The following TTLL5 variants were observed in gnomAD, a reference collection of about 807,000 sequenced individuals.
TTLL5 encodes tubulin tyrosine ligase like 5.
TTLL5 carries 132 observed loss-of-function variants against 168.4 expected under a neutral mutation model. The observed-to-expected ratio is 0.78, with a 90% CI of 0.68 to 0.91. The LOEUF (loss-of-function observed/expected upper bound fraction) is 0.91, where lower values mean the gene tolerates loss of function less well. Ranked by LOEUF, TTLL5 falls within the 40% of genes least tolerant of loss-of-function variation. The probability of loss-of-function intolerance (pLI) is 0.00; values close to 1 mark genes in which losing one functional copy is unlikely to be tolerated. For missense variants in TTLL5, 1,545 were observed against 1,581.5 expected (o/e 0.98, Z 0.39); for synonymous variants, 546 against 558.6 (o/e 0.98, Z 0.32).
rs559749597 is a variant in TTLL5 at position 75,933,424 on chromosome 14, TG to T, written c.3824-20999del. 4.3e-3 allele frequency among the ~76,000 whole-genome samples: 651 copies of T among 152,332 alleles called. 1 individual carries two copies. The highest frequency in any genetic ancestry group is 7.8e-3 in the Non-Finnish European group (528 of 68,022). On this transcript the variant is annotated intron_variant, in intron 31 of 31. Coordinates refer to ENST00000298832, the MANE Select transcript of TTLL5 (RefSeq NM_015072.5). The stretch of plus-strand genomic sequence containing the variant: ...GCCGCAGTCAGCCGGATCATGCTAC[TG>T]CAGTCCATCCTGGCCGACAGATTGA...
At chr14:75,895,076 C>A (rs1480876158) in intron 30 of TTLL5, among the ~76,000 whole-genome samples, 3 of 152,140 alleles carry the variant, frequency 2.0e-5, no homozygotes, top group Non-Finnish European at 4.4e-5. Flanking sequence ...GGGTTTTCAT[C>A]TTTTTGGACC....
At chr14:75,747,771 A>T (rs1889702297) in intron 17 of TTLL5, among the ~76,000 whole-genome samples, 1 of 152,196 alleles carries the variant, frequency 6.6e-6, no homozygotes, top group South Asian at 2.1e-4. Context: ...TCTGGGAATT[A>T]TTCAGCTTAC....
chr14:75,793,418 A>G (rs1302520431), intron 27 of TTLL5, among the ~76,000 whole-genome samples: 1 of 152,084 alleles, frequency 6.6e-6, no homozygotes, highest in Admixed American at 6.5e-5. Context: ...CTTTGGTAAA[A>G]TTTTCCAGTG....
At chr14:75,832,164 A>G (rs919586122) in intron 28 of TTLL5, among the ~76,000 whole-genome samples, 2 of 152,164 alleles carry the variant, frequency 1.3e-5, no homozygotes, top group Non-Finnish European at 2.9e-5. Context: ...CTTGCTCACC[A>G]TTGGCTCCTT....
chr14:75,774,001 G>T (rs1413149022), intron 21 of TTLL5, among the ~76,000 whole-genome samples: 2 of 133,360 alleles, frequency 1.5e-5, no homozygotes, highest in Non-Finnish European at 3.2e-5. Context: ...GAGAGAGAGC[G>T]AGAGTACAAG....
At position 75,683,538 on chromosome 14, in the gene TTLL5, G is replaced by C. The variant is rs201188044; in HGVS notation, c.265-12G>C. Reference sequence around the variant, plus strand: ...TGTTTTTTTGCCTTCTTGTCTTTCTGTCTGCCCTCAGGTTCACCCAAGCAG... The same window carrying C: ...TGTTTTTTTGCCTTCTTGTCTTTCTCTCTGCCCTCAGGTTCACCCAAGCAG... On this transcript the variant is annotated splice_polypyrimidine_tract_variant and intron_variant, in intron 4 of 31. Coordinates refer to ENST00000298832, the MANE Select transcript of TTLL5 (RefSeq NM_015072.5). 1 of 1,606,098 alleles carries C rather than the reference G, an allele frequency of 6.2e-7. No homozygotes were observed. The highest frequency in any genetic ancestry group is 8.5e-7 in the Non-Finnish European group (1 of 1,173,894).
chr14:75,665,601 G>A, intron 2 of TTLL5, among the ~76,000 whole-genome samples: 1 of 152,242 alleles, frequency 6.6e-6, no homozygotes, highest in East Asian at 1.9e-4. Flanking sequence ...GCTCACGCCT[G>A]TAATCCCAGC....
intron 27 of TTLL5, among the ~76,000 whole-genome samples, chr14:75,819,559 A>G (rs1595095355): frequency 6.6e-6 from 1 of 152,222 alleles, no homozygotes; most frequent in Middle Eastern, 3.4e-3. Flanking sequence ...TTTTCTCCTA[A>G]CCGTCTTTTT....
intron 27 of TTLL5, among the ~76,000 whole-genome samples, chr14:75,812,857 A>AGCTGGGGCTGGG (rs1239496485): frequency 1.3e-5 from 2 of 152,062 alleles, no homozygotes; most frequent in African/African-American, 4.8e-5. Context: ...GGTTCAGTGC[A>AGCTGGGGCTGGG]GCTGGGGCTG....
chr14:75,888,096 T>G (rs1305963976), intron 30 of TTLL5, among the ~76,000 whole-genome samples: 3 of 152,194 alleles, frequency 2.0e-5, no homozygotes, highest in Non-Finnish European at 4.4e-5. Flanking sequence ...TGAGCGCCAG[T>G]CAGGAGCTCT....
chr14:75,739,738 GATA>G (rs1889133642), intron 15 of TTLL5, among the ~76,000 whole-genome samples: 1 of 152,128 alleles, frequency 6.6e-6, no homozygotes, highest in South Asian at 2.1e-4. Flanking sequence ...GTCATATGGG[GATA>G]ATAATATATA....
At chr14:75,902,256 T>C in intron 31 of TTLL5, 32 bp downstream of exon 31, 2 of 1,608,116 alleles carry the variant, frequency 1.2e-6, no homozygotes, top group Non-Finnish European at 1.7e-6. Context: ...TGCAACTGGA[T>C]AGATGACAGG....
intron 12 of TTLL5, among the ~76,000 whole-genome samples, chr14:75,729,419 T>C (rs1888391482): frequency 6.6e-6 from 1 of 150,668 alleles, no homozygotes; most frequent in Non-Finnish European, 1.5e-5. Context: ...AAATCTTCAA[T>C]GCCCATAGAA....
chr14:75,865,883 T>C (rs117705855), intron 29 of TTLL5, among the ~76,000 whole-genome samples: 1,881 of 152,214 alleles, frequency 0.012, 15 homozygotes, highest in South Asian at 0.025. Context: ...AAGAAGGGAG[T>C]TATCTCGTTC....
chr14:75,795,180 A>C (rs1444401350), intron 27 of TTLL5, among the ~76,000 whole-genome samples: 1 of 152,192 alleles, frequency 6.6e-6, no homozygotes, highest in Non-Finnish European at 1.5e-5. Context: ...CAGTTCACTC[A>C]ACTTCTCTTA....
intron 20 of TTLL5, among the ~76,000 whole-genome samples, chr14:75,769,580 A>G (rs1891157817): frequency 6.6e-6 from 1 of 152,168 alleles, no homozygotes; most frequent in South Asian, 2.1e-4. Flanking sequence ...CAACAAAACA[A>G]TGATTGAAGT....
Position 75,699,241 on chromosome 14 carries a change from AG to A in TTLL5, c.561del (p.Arg188GlyfsTer5), listed in dbSNP as rs746069709. On this transcript the variant is annotated frameshift_variant, in exon 7 of 32. Transcript: ENST00000298832. LOFTEE classifies it high-confidence loss of function. The part of the protein sequence containing the change: ...PWIVKPVASS[R>X]GRGVYLINNP... ...GATAGTAAAACCAGTGGCATCTTCA[AG>A]GGGGCGGGGCGTCTACCTGATCAAC... 1.4e-5 allele frequency: 22 copies of A among 1,613,988 alleles called. No homozygotes were observed. Among genetic ancestry groups the A allele is most frequent in the Non-Finnish European group, 1.9e-5 (22 of 1,179,942 alleles).
chr14:75,779,672 A>C lies in TTLL5; in HGVS notation c.2485A>C (p.Asn829His), dbSNP rs1223386653. ...TCACTCTAAAATTTCTAAGAACAAC[A>C]ACAATTATTCTGATAGTGGGGCAAA... ...GTHSKISKNN[N>H]NYSDSGAKGD... is the part of the protein sequence containing the mutation. The change falls in exon 24 of 32, where the codon AAC (asparagine) becomes CAC (histidine). Residue 829 changes from asparagine (N) to histidine (H), a missense_variant. Asn to His is a moderately conservative substitution (Grantham distance 68). Coordinates refer to ENST00000298832, the MANE Select transcript of TTLL5 (RefSeq NM_015072.5). 1 of 1,613,442 alleles carries C rather than the reference A, an allele frequency of 6.2e-7. No homozygotes were observed. The highest frequency in any genetic ancestry group is 1.3e-5 in the African/African-American group (1 of 74,886).
intron 30 of TTLL5, among the ~76,000 whole-genome samples, chr14:75,901,290 T>TA (rs978353504): frequency 1.2e-4 from 19 of 152,214 alleles, no homozygotes; most frequent in African/African-American, 4.6e-4. Context: ...AGCAACCAGT[T>TA]ACACAGTTTC....
Sources: gnomAD v4.1 joint callset for allele counts (sites outside exome capture counted in the v4.1 genomes callset) on GRCh38, gnomAD v4.1.1 for gene constraint, MANE v1.5 for transcripts, NCBI Gene and HGNC (gene_info 2026-07-23, HGNC 2026-07-21) for gene names.